The following WNT8B variants were observed in gnomAD, a reference collection of about 807,000 sequenced individuals.
WNT8B encodes protein Wnt-8b.
In WNT8B, 24 loss-of-function variants were observed where a neutral mutation model predicts 36.6. The ratio of observed to expected loss-of-function variants is 0.66; its 90% CI spans 0.48 to 0.92. The LOEUF (loss-of-function observed/expected upper bound fraction) is 0.92, where lower values mean the gene tolerates loss of function less well. WNT8B is among the 40% of genes least tolerant of loss of function. The probability of loss-of-function intolerance (pLI) is 0.00; values close to 1 mark genes in which losing one functional copy is unlikely to be tolerated. For synonymous variants in WNT8B, 199 were observed against 189.8 expected (o/e 1.05, Z -0.40); for missense variants, 402 against 470.8 (o/e 0.85, Z 1.35).
Position 100,479,937 on chromosome 10 carries a change from T to C in WNT8B, c.166T>C (p.Tyr56His). The C allele has an allele frequency of 6.2e-7, 1 of 1,613,976 alleles. No individual in the cohort carries two copies. Among genetic ancestry groups the C allele is most frequent in the Non-Finnish European group, 8.5e-7 (1 of 1,179,940 alleles). Residue 56 changes from tyrosine to histidine, a missense_variant, in exon 3 of 6, where the codon TAT (tyrosine) becomes CAT (histidine). Physicochemically the swap from Tyr to His is moderately conservative, Grantham distance 83. Around this residue, in one of 3 missense-constraint regions of WNT8B, gnomAD observed 131 missense variants for 152.6 expected, o/e 0.86. Coordinates refer to ENST00000343737, the MANE Select transcript of WNT8B (RefSeq NM_003393.4). ...GAQSGIEECK[Y>H]QFAWDRWNCP... ...CCAGAGTGGTATTGAAGAATGCAAGTATCAGTTTGCCTGGGACCGCTGGAA... is the reference window on the plus strand; with the variant it reads ...CCAGAGTGGTATTGAAGAATGCAAGCATCAGTTTGCCTGGGACCGCTGGAA...
intron 2 of WNT8B, 118 bp downstream of exon 2, chr10:100,479,203 G>A: frequency 1.0e-6 from 1 of 966,148 alleles, no homozygotes; most frequent in Non-Finnish European, 1.4e-6. Context: ...ATACATTACA[G>A]ATAGAAAGAT....
chr10:100,475,811 C>A (rs926689890), intron 1 of WNT8B, among the ~76,000 whole-genome samples: 4 of 152,118 alleles, frequency 2.6e-5, no homozygotes, highest in Non-Finnish European at 5.9e-5. Context: ...AGCAAAGGGG[C>A]CTGGCTGACT....
At position 100,463,201 on chromosome 10, in the gene WNT8B, T is replaced by C. The variant is rs1465344169; in HGVS notation, c.33T>C (p.Cys11=). MFLSKPSVYI[C]LFTCVLQLSH... ...TTTCAAAGCCTTCTGTGTACATCTGTCTTTTCACCTGTGTCCTCCAACTCA... is the reference window on the plus strand; with the variant it reads ...TTTCAAAGCCTTCTGTGTACATCTGCCTTTTCACCTGTGTCCTCCAACTCA... Residue 11 remains cysteine, a synonymous_variant, in exon 1 of 6, where the codon TGT becomes TGC. Coordinates refer to ENST00000343737, the MANE Select transcript of WNT8B (RefSeq NM_003393.4). The C allele has an allele frequency of 6.2e-7, 1 of 1,614,034 alleles. No homozygotes were observed. Among genetic ancestry groups the C allele is most frequent in the Admixed American group, 1.7e-5 (1 of 60,014 alleles).
intron 4 of WNT8B, 129 bp from the exon 5 acceptor site, chr10:100,481,783 A>T: frequency 7.6e-7 from 1 of 1,310,814 alleles, no homozygotes; most frequent in Non-Finnish European, 1.0e-6. Flanking sequence ...ATCTGGATAC[A>T]GGGCACTCGC....
intron 1 of WNT8B, among the ~76,000 whole-genome samples, chr10:100,468,236 C>T (rs538208535): frequency 2.2e-4 from 33 of 152,272 alleles, no homozygotes; most frequent in African/African-American, 7.5e-4. Flanking sequence ...ACTAAAGTGC[C>T]AAAGCCTGTC....
Position 100,483,043 on chromosome 10 carries a change from A to C in WNT8B, c.*227A>C. On this transcript the variant is annotated 3_prime_UTR_variant, in exon 6 of 6. Transcript: ENST00000343737. ...CCTCGCAGCCACACCTAGGTCTGAG[A>C]ACTCAGGCTTTGAGTTACTGATCTT... 1 of 490,200 alleles carries C rather than the reference A, an allele frequency of 2.0e-6. No individual in the cohort carries two copies. 30.4% of individuals were successfully genotyped at this position (490,200 alleles called of 1,614,324 possible). A position where few individuals can be genotyped will look rare whatever the true frequency, so the allele number is the denominator to read the frequency against.
chr10:100,482,212 G>A lies in WNT8B; in HGVS notation c.511-59G>A, dbSNP rs375000822. ...CTAGACTTCTCGCAACTCCCACAGG[G>A]GCAGTTAAACTCGCCACGCGCTTAA... is the stretch of plus-strand genomic sequence containing the variant. On this transcript the variant is annotated intron_variant, in intron 5 of 5. Transcript: ENST00000343737. The surrounding 1 kb of genome is among the most constrained non-coding windows in gnomAD (Gnocchi z 6.6). 4.6e-6 allele frequency: 7 copies of A among 1,537,434 alleles called. No homozygotes were observed. The African/African-American group carries it at 9.5e-5, about 21-fold the overall frequency.
At chr10:100,477,960 T>TA (rs1851060394) in intron 1 of WNT8B, among the ~76,000 whole-genome samples, 2 of 150,438 alleles carry the variant, frequency 1.3e-5, no homozygotes, top group South Asian at 2.1e-4. Flanking sequence ...TTTTTTTTTT[T>TA]AGTAGAGACG....
intron 1 of WNT8B, among the ~76,000 whole-genome samples, chr10:100,473,222 G>T (rs991724178): frequency 6.6e-6 from 1 of 152,184 alleles, no homozygotes; most frequent in Non-Finnish European, 1.5e-5. Context: ...GCTGGTTGTG[G>T]CTTCTGCACT....
chr10:100,465,860 G>T (rs1308243463), intron 1 of WNT8B, among the ~76,000 whole-genome samples: 1 of 152,080 alleles, frequency 6.6e-6, no homozygotes, highest in Non-Finnish European at 1.5e-5. Flanking sequence ...TGGGACTCCT[G>T]ATTGGCAAAG....
At chr10:100,473,460 C>T (rs565667759) in intron 1 of WNT8B, among the ~76,000 whole-genome samples, 8 of 152,176 alleles carry the variant, frequency 5.3e-5, no homozygotes, top group Non-Finnish European at 1.0e-4. Flanking sequence ...TCCCTGGAAA[C>T]TGTGAATCTA....
chr10:100,482,930 G>A lies in WNT8B; in HGVS notation c.*114G>A. The A allele has an allele frequency of 8.2e-7, 1 of 1,223,892 alleles. No homozygotes were observed. Among genetic ancestry groups the A allele is most frequent in the Middle Eastern group, 2.9e-4 (1 of 3,476 alleles). 75.8% of individuals were successfully genotyped at this position (1,223,892 alleles called of 1,614,324 possible). On this transcript the variant is annotated 3_prime_UTR_variant, in exon 6 of 6. Coordinates refer to ENST00000343737, the MANE Select transcript of WNT8B (RefSeq NM_003393.4). This position sits in a 1 kb window ranked among gnomAD's most constrained non-coding sequence, Gnocchi z 6.6. Reference sequence around the variant, plus strand: ...GCTCTCCCAGACCTAGGGATCCTGAGAGGGAGAGACTGCAATTTCTCCAAA... The same window carrying A: ...GCTCTCCCAGACCTAGGGATCCTGAAAGGGAGAGACTGCAATTTCTCCAAA...
At chr10:100,478,620 C>T (rs1244538295) in intron 1 of WNT8B, among the ~76,000 whole-genome samples, 3 of 151,524 alleles carry the variant, frequency 2.0e-5, no homozygotes, top group Non-Finnish European at 2.9e-5. Context: ...TTTGCTCTGC[C>T]GCCCAGGCTG....
At position 100,482,240 on chromosome 10, in the gene WNT8B, C is replaced by CG. The variant is rs749009552; in HGVS notation, c.511-27dup. 1.3e-6 allele frequency: 2 copies of CG among 1,553,652 alleles called. No homozygotes were observed. Among genetic ancestry groups the CG allele is most frequent in the African/African-American group, 2.7e-5 (2 of 73,988 alleles). ...AGTTAAACTCGCCACGCGCTTAATC[C>CG]GGGGCCTCTCACTCCTAGCTCTCTC... is the stretch of plus-strand genomic sequence containing the variant. On this transcript the variant is annotated intron_variant, in intron 5 of 5. Transcript: ENST00000343737. The surrounding 1 kb of genome is among the most constrained non-coding windows in gnomAD (Gnocchi z 6.6).
intron 1 of WNT8B, among the ~76,000 whole-genome samples, chr10:100,473,519 T>A (rs1304416319): frequency 1.3e-5 from 2 of 152,372 alleles, no homozygotes; most frequent in Middle Eastern, 3.4e-3. Context: ...ATAGATAGAA[T>A]CATATCATTT....
chr10:100,478,407 A>G (rs552916322), intron 1 of WNT8B, among the ~76,000 whole-genome samples: 1 of 152,340 alleles, frequency 6.6e-6, no homozygotes, highest in African/African-American at 2.4e-5. Flanking sequence ...AGAGTAGAGC[A>G]TAAGGAACAT....
chr10:100,471,279 A>G (rs770779663), intron 1 of WNT8B, among the ~76,000 whole-genome samples: 1 of 152,222 alleles, frequency 6.6e-6, no homozygotes, highest in Non-Finnish European at 1.5e-5. Flanking sequence ...GAAGCCACAC[A>G]CTGTATCCCC....
intron 1 of WNT8B, among the ~76,000 whole-genome samples, chr10:100,463,528 C>T (rs553727611): frequency 2.6e-5 from 4 of 152,240 alleles, no homozygotes; most frequent in African/African-American, 4.8e-5. Context: ...GCCCTTTTCA[C>T]GAAATCCTGA....
chr10:100,480,261 T>G (rs1851093279), intron 3 of WNT8B, among the ~76,000 whole-genome samples: 1 of 152,190 alleles, frequency 6.6e-6, no homozygotes, highest in Admixed American at 6.5e-5. Flanking sequence ...CATACCATCC[T>G]TGGCCTCCCA....
Sources: gnomAD v4.1 joint callset for allele counts (sites outside exome capture counted in the v4.1 genomes callset) on GRCh38, gnomAD v4.1.1 for gene constraint, gnomAD v4.1.1 regional missense constraint, Gnocchi (gnomAD v3.1) non-coding constraint, MANE v1.5 for transcripts, NCBI Gene and HGNC (gene_info 2026-07-23, HGNC 2026-07-21) for gene names.